Variants in FOLH1 observed in about 807,000 individuals in gnomAD.
The protein encoded by FOLH1 is glutamate carboxypeptidase 2.
FOLH1 carries 54 observed loss-of-function variants against 93.9 expected under a neutral mutation model. The ratio of observed to expected loss-of-function variants is 0.57; its 90% CI spans 0.46 to 0.72. The LOEUF (loss-of-function observed/expected upper bound fraction) is 0.72. FOLH1 is among the 30% of genes least tolerant of loss of function. The probability of loss-of-function intolerance (pLI) is 0.00; values close to 1 mark genes in which losing one functional copy is unlikely to be tolerated. For synonymous variants in FOLH1, 249 were observed against 303.6 expected, an observed-to-expected ratio of 0.82 and a Z score of 1.87; for missense variants, 571 against 892.5, an observed-to-expected ratio of 0.64 and a Z score of 4.59.
intron 3 of FOLH1, among the ~76,000 whole-genome samples, chr11:49,198,247 C>T (rs926320918): frequency 1.3e-5 from 2 of 151,936 alleles, no homozygotes; most frequent in African/African-American, 4.8e-5. Context: ...TTTGGGAGGC[C>T]GAGGCGGGTG....
intron 6 of FOLH1, among the ~76,000 whole-genome samples, chr11:49,185,305 G>A (rs78642973): frequency 4.6e-5 from 7 of 151,886 alleles, no homozygotes; most frequent in African/African-American, 1.2e-4. Context: ...CTTATTCCCC[G>A]CCCCCCACTT....
At chr11:49,178,657 G>A (rs925868933) in intron 7 of FOLH1, among the ~76,000 whole-genome samples, 2 of 151,844 alleles carry the variant, frequency 1.3e-5, no homozygotes, top group Non-Finnish European at 2.9e-5. Context: ...AATCTCTTTA[G>A]GTCATTTTCT....
intron 10 of FOLH1, among the ~76,000 whole-genome samples, chr11:49,172,733 T>C (rs1449933057): frequency 6.6e-6 from 1 of 152,186 alleles, no homozygotes; most frequent in East Asian, 1.9e-4. Context: ...CTGCTCTCAA[T>C]GTGTAATTAT....
At chr11:49,200,816 A>G (rs1321849229) in intron 2 of FOLH1, among the ~76,000 whole-genome samples, 2 of 152,190 alleles carry the variant, frequency 1.3e-5, no homozygotes, top group African/African-American at 2.4e-5. Flanking sequence ...TATCCAAAAG[A>G]TCAAGGTGTA....
chr11:49,192,879 A>G lies in FOLH1; in HGVS notation c.427T>C (p.Leu143=), dbSNP rs760347053. The G allele has an allele frequency of 1.9e-6, 3 of 1,590,976 alleles. No homozygotes were observed. Among genetic ancestry groups the G allele is most frequent in the African/African-American group, 2.7e-5 (2 of 73,980 alleles). The stretch of plus-strand genomic sequence containing the variant: ...TATCCTGGAGGAGGTGGTTCAAATA[A>G]TGATGTGTTGAAAATCTAGAGAAAC... ...EDGNEIFNTS[L]FEPPPPGYEN... The change falls in exon 4 of 19, where the codon TTA becomes CTA. Residue 143 remains leucine, a synonymous_variant. Coordinates refer to ENST00000256999, the MANE Select transcript of FOLH1 (RefSeq NM_004476.3).
chr11:49,188,272 T>C (rs1332175104), intron 4 of FOLH1, among the ~76,000 whole-genome samples: 1 of 152,114 alleles, frequency 6.6e-6, no homozygotes, highest in Non-Finnish European at 1.5e-5. Flanking sequence ...CCCAGCACTT[T>C]GGGAGGCTGG....
chr11:49,148,731 G>T lies in FOLH1; in HGVS notation c.1971C>A (p.Asn657Lys). The change falls in exon 18 of 19, where the codon AAC (asparagine) becomes AAA (lysine). Residue 657 changes from asparagine to lysine, a missense_variant and splice_region_variant. Transcript: ENST00000256999. ...SERLQDFDKS[N>K]PIVLRMMNDQ... ...CATTCATCATTCTTAATACTATTGGGCTGAGAAAGAAAATGAATATAATTA... is the reference window on the plus strand; with the variant it reads ...CATTCATCATTCTTAATACTATTGGTCTGAGAAAGAAAATGAATATAATTA... 1 of 1,563,764 alleles carries T rather than the reference G, an allele frequency of 6.4e-7. No homozygotes were observed. Among genetic ancestry groups the T allele is most frequent in the Non-Finnish European group, 8.6e-7 (1 of 1,160,146 alleles).
intron 3 of FOLH1, among the ~76,000 whole-genome samples, chr11:49,198,439 G>A (rs1354366509): frequency 6.6e-6 from 1 of 150,588 alleles, no homozygotes; most frequent in South Asian, 2.1e-4. Context: ...CGGAGATACC[G>A]CCACTGCACT....
intron 4 of FOLH1, among the ~76,000 whole-genome samples, chr11:49,187,298 C>T (rs1353713965): frequency 1.3e-5 from 2 of 152,166 alleles, no homozygotes; most frequent in African/African-American, 2.4e-5. Context: ...TCGATATTCT[C>T]ATTGGCTCAA....
chr11:49,186,793 A>C, intron 4 of FOLH1, 24 bp from the exon 5 acceptor site: 2 of 1,567,090 alleles, frequency 1.3e-6, no homozygotes, highest in Non-Finnish European at 1.7e-6. Flanking sequence ...GAATGACTTA[A>C]TATGAGTCAG....
chr11:49,148,330 G>A (rs1211555537), intron 18 of FOLH1, among the ~76,000 whole-genome samples: 2 of 151,126 alleles, frequency 1.3e-5, no homozygotes, highest in Non-Finnish European at 3.0e-5. Context: ...ATATAACAAT[G>A]ATTTTATATT....
intron 7 of FOLH1, among the ~76,000 whole-genome samples, chr11:49,181,932 A>C (rs1860787837): frequency 6.6e-6 from 1 of 152,186 alleles, no homozygotes; most frequent in Non-Finnish European, 1.5e-5. Flanking sequence ...GAATAAAATT[A>C]GTAAGAAAGG....
chr11:49,197,125 A>G (rs1337022346), intron 3 of FOLH1, among the ~76,000 whole-genome samples: 1 of 152,214 alleles, frequency 6.6e-6, no homozygotes, highest in Non-Finnish European at 1.5e-5. Context: ...AAGAAAAATT[A>G]TGCTGAGGTG....
intron 7 of FOLH1, among the ~76,000 whole-genome samples, chr11:49,181,490 T>C (rs1401983364): frequency 6.6e-6 from 1 of 152,074 alleles, no homozygotes; most frequent in African/African-American, 2.4e-5. Flanking sequence ...CTTAATAATA[T>C]AAGCATTTTT....
intron 2 of FOLH1, among the ~76,000 whole-genome samples, chr11:49,204,193 G>A (rs1207905425): frequency 3.9e-5 from 6 of 152,148 alleles, no homozygotes; most frequent in Non-Finnish European, 5.9e-5. Context: ...GAAGTCCTAC[G>A]ATCACAGTTA....
chr11:49,207,214 G>C (rs1456812397), intron 1 of FOLH1, among the ~76,000 whole-genome samples: 1 of 151,920 alleles, frequency 6.6e-6, no homozygotes, highest in Non-Finnish European at 1.5e-5. Flanking sequence ...AGGGGGAGGG[G>C]AGAGCAGAGA....
intron 4 of FOLH1, among the ~76,000 whole-genome samples, chr11:49,189,465 T>C (rs1861785147): frequency 6.6e-6 from 1 of 152,216 alleles, no homozygotes; most frequent in Non-Finnish European, 1.5e-5. Context: ...CAGTGCCCTA[T>C]GTAATACAAC....
At chr11:49,207,920 T>C (rs1864148156) in intron 1 of FOLH1, 1 of 475,300 alleles carries the variant, frequency 2.1e-6, no homozygotes, top group East Asian at 6.2e-5. Flanking sequence ...GAAGAAAGAA[T>C]GCACAGAGAG....
At chr11:49,160,014 G>C (rs994032084) in intron 13 of FOLH1, among the ~76,000 whole-genome samples, 4 of 151,286 alleles carry the variant, frequency 2.6e-5, no homozygotes, top group Admixed American at 1.3e-4. Context: ...CCTCGTTCAC[G>C]CAATTCTCCT....
Sources: gnomAD v4.1 joint callset for allele counts (sites outside exome capture counted in the v4.1 genomes callset) on GRCh38, gnomAD v4.1.1 for gene constraint, MANE v1.5 for transcripts, NCBI Gene and HGNC (gene_info 2026-07-23, HGNC 2026-07-21) for gene names.